Variants in RBM26 observed in about 807,000 individuals in gnomAD.
The protein encoded by RBM26 is RNA-binding protein 26.
RBM26 carries 30 observed loss-of-function variants against 123.6 expected under a neutral mutation model. The ratio of observed to expected loss-of-function variants is 0.24; its 90% confidence interval spans 0.18 to 0.33. RBM26 has a LOEUF of 0.33. RBM26 is among the 10% of genes least tolerant of loss of function. The pLI is 1.00. For missense variants in RBM26, 947 were observed against 1,203.6 expected (o/e 0.79, Z 3.15); for synonymous variants, 400 against 404.4 (o/e 0.99, Z 0.13).
chr13:79,393,956 T>C (rs1204027151), intron 1 of RBM26, among the ~76,000 whole-genome samples: 3 of 152,208 alleles, frequency 2.0e-5, no homozygotes, highest in Non-Finnish European at 4.4e-5. Flanking sequence ...ACTGTTCACC[T>C]TGGGGGCAAG....
At chr13:79,361,663 A>G (rs1237316590) in intron 9 of RBM26, among the ~76,000 whole-genome samples, 1 of 152,124 alleles carries the variant, frequency 6.6e-6, no homozygotes, top group African/African-American at 2.4e-5. Context: ...TAGGTATTAT[A>G]TTCCCTGGGT....
Position 79,337,129 on chromosome 13 carries a change from A to G in RBM26, c.2706T>C (p.Asp902=), listed in dbSNP as rs1238094361. The change falls in exon 19 of 22, where the codon GAT becomes GAC. Residue 902 remains aspartate (D), a synonymous_variant. Transcript: ENST00000438737. The stretch of plus-strand genomic sequence containing the variant: ...CAAAATGAGGAAGAAGATCTTCTCT[A>G]TCGCTCTCCGTAAATGCAGAAATCT... ...ALEISAFTES[D]REDLLPHFAQ... 2.5e-6 allele frequency: 4 copies of G among 1,614,094 alleles called. No homozygotes were observed. The highest frequency in any genetic ancestry group is 2.2e-5 in the East Asian group (1 of 44,854).
At chr13:79,335,856 C>T (rs1039483510) in intron 19 of RBM26, among the ~76,000 whole-genome samples, 3 of 152,104 alleles carry the variant, frequency 2.0e-5, no homozygotes, top group Non-Finnish European at 2.9e-5. Flanking sequence ...TTATCTGGCT[C>T]TCCTTTCTCT....
intron 1 of RBM26, among the ~76,000 whole-genome samples, chr13:79,387,030 C>T (rs1487173287): frequency 1.3e-5 from 2 of 152,044 alleles, no homozygotes; most frequent in Non-Finnish European, 2.9e-5. Flanking sequence ...CTAAGTCTTT[C>T]TCTAACATTG....
chr13:79,319,996 T>A lies in RBM26; in HGVS notation c.*625A>T. 3 of 404,040 alleles carry A rather than the reference T, an allele frequency of 7.4e-6. No homozygotes were observed. The highest frequency in any genetic ancestry group is 9.7e-6 in the Non-Finnish European group (3 of 309,048). The allele number at this position is 404,040 out of a possible 1,614,324, so 25.0% of individuals were successfully genotyped here. A position where few individuals can be genotyped will look rare whatever the true frequency, so the allele number is the denominator to read the frequency against. On this transcript the variant is annotated 3_prime_UTR_variant, in exon 22 of 22. Coordinates refer to ENST00000438737, the MANE Select transcript of RBM26 (RefSeq NM_001366735.2). ...GTCATTGCTTTTCTCTTTTCTTTCC[T>A]TTTTTTTTTTTAAAGAGACCATTCC...
At chr13:79,403,291 C>T (rs1386256735) in intron 1 of RBM26, among the ~76,000 whole-genome samples, 3 of 152,068 alleles carry the variant, frequency 2.0e-5, no homozygotes, top group African/African-American at 7.2e-5. Flanking sequence ...GGACCAATTA[C>T]AATTCCCAGT....
At chr13:79,367,109 T>C (rs2075335676) in intron 6 of RBM26, among the ~76,000 whole-genome samples, 1 of 152,018 alleles carries the variant, frequency 6.6e-6, no homozygotes, top group Non-Finnish European at 1.5e-5. Context: ...AATCTCATGT[T>C]GAAATGTGAC....
chr13:79,382,110 C>G (rs2077111125), intron 1 of RBM26, among the ~76,000 whole-genome samples: 2 of 151,870 alleles, frequency 1.3e-5, no homozygotes, highest in African/African-American at 4.8e-5. Flanking sequence ...AAAGGCAAAA[C>G]CTATGTTCTC....
At position 79,319,042 on chromosome 13, in the gene RBM26, T is replaced by G; in HGVS notation, c.*1579A>C. The G allele has an allele frequency of 1.0e-6, 1 of 984,336 alleles. No homozygotes were observed. Among genetic ancestry groups the G allele is most frequent in the Non-Finnish European group, 1.2e-6 (1 of 829,134 alleles). 61.0% of individuals were successfully genotyped at this position (984,336 alleles called of 1,614,324 possible). On this transcript the variant is annotated 3_prime_UTR_variant, in exon 22 of 22. Coordinates refer to ENST00000438737, the MANE Select transcript of RBM26 (RefSeq NM_001366735.2). ...GACAACTGAAATCTGATTTTGAAATTTTAAATATAAACGTAGACACGAATT... is the reference window on the plus strand; with the variant it reads ...GACAACTGAAATCTGATTTTGAAATGTTAAATATAAACGTAGACACGAATT...
At chr13:79,404,000 C>T (rs9545104) in intron 1 of RBM26, among the ~76,000 whole-genome samples, 76,599 of 151,668 alleles carry the variant, frequency 0.51, 19,735 homozygotes, top group Middle Eastern at 0.6. Context: ...TCTTCTCTTC[C>T]CTACCTACAC....
Position 79,344,658 on chromosome 13 carries a change from G to T in RBM26, c.2184+11C>A. Reference sequence around the variant, plus strand: ...TGCAAAAATTTTTTATACTATACCAGTTGTACTTACCTGTTTTTTTTTCTG... The same window carrying T: ...TGCAAAAATTTTTTATACTATACCATTTGTACTTACCTGTTTTTTTTTCTG... On this transcript the variant is annotated intron_variant, in intron 15 of 21. Coordinates refer to ENST00000438737, the MANE Select transcript of RBM26 (RefSeq NM_001366735.2). 6.2e-7 allele frequency: 1 copy of T among 1,607,980 alleles called. No individual in the cohort carries two copies. Among genetic ancestry groups the T allele is most frequent in the Non-Finnish European group, 8.5e-7 (1 of 1,177,558 alleles).
chr13:79,379,704 A>C (rs1039473603), intron 1 of RBM26, among the ~76,000 whole-genome samples: 6 of 152,068 alleles, frequency 3.9e-5, no homozygotes, highest in Non-Finnish European at 1.5e-5. Flanking sequence ...AACAGAACAA[A>C]AAAAAAAACT....
At chr13:79,370,822 T>C in intron 5 of RBM26, 123 bp downstream of exon 5, 4 of 1,047,228 alleles carry the variant, frequency 3.8e-6, no homozygotes, top group East Asian at 2.5e-5. Context: ...AGCATTCTCT[T>C]GGACCACAGA....
chr13:79,395,108 T>C (rs993601933), intron 1 of RBM26, among the ~76,000 whole-genome samples: 1 of 152,186 alleles, frequency 6.6e-6, no homozygotes, highest in Non-Finnish European at 1.5e-5. Flanking sequence ...ATAAATCTTA[T>C]TTACTTCAGT....
intron 14 of RBM26, among the ~76,000 whole-genome samples, chr13:79,349,063 A>G (rs1441210081): frequency 6.6e-6 from 1 of 152,184 alleles, no homozygotes; most frequent in East Asian, 1.9e-4. Context: ...CATCAAATTG[A>G]AAAACTGTTA....
At chr13:79,384,254 TTTTTTTC>T (rs1460845157) in intron 1 of RBM26, among the ~76,000 whole-genome samples, 1 of 151,958 alleles carries the variant, frequency 6.6e-6, no homozygotes, top group African/African-American at 2.4e-5. Flanking sequence ...GTTTTTTTTT[TTTTTTTC>T]TTTTCATTTC....
intron 14 of RBM26, among the ~76,000 whole-genome samples, chr13:79,350,966 G>A (rs372690805): frequency 9.9e-5 from 15 of 152,012 alleles, no homozygotes; most frequent in Admixed American, 4.6e-4. Context: ...GGCTGTTTAC[G>A]GTATTTATCA....
At chr13:79,377,354 G>A in intron 3 of RBM26, 25 bp downstream of exon 3, 1 of 1,598,774 alleles carries the variant, frequency 6.3e-7, no homozygotes, top group Non-Finnish European at 8.6e-7. Flanking sequence ...TAAATAACCT[G>A]TAAGGTATTA....
At chr13:79,365,450 AAAATG>A (rs2075162300) in intron 9 of RBM26, 123 bp downstream of exon 9, 2 of 766,618 alleles carry the variant, frequency 2.6e-6, no homozygotes, top group African/African-American at 3.5e-5. Flanking sequence ...CTCCAAAAAT[AAAATG>A]AAATAAAATA....
Sources: allele counts gnomAD v4.1 joint callset (sites outside exome capture counted in the v4.1 genomes callset), GRCh38; gene constraint gnomAD v4.1.1; transcripts MANE v1.5; gene names NCBI Gene and HGNC (gene_info 2026-07-23, HGNC 2026-07-21).